MCTP1: variants seen among roughly 807,000 people sequenced by gnomAD.
The protein encoded by MCTP1 is multiple C2 and transmembrane domain containing 1, also known as multiple C2 and transmembrane domain-containing protein 1.
In MCTP1, 69 loss-of-function variants were observed where a neutral mutation model predicts 120.6. That is an observed-to-expected ratio of 0.57 (90% CI 0.47 to 0.70). The LOEUF is 0.70. Among genes scored for constraint, MCTP1 ranks in the 30% least tolerant of loss-of-function variants. MCTP1 has a pLI of 0.00. For missense variants in MCTP1, 1,203 were observed against 1,248.8 expected, an observed-to-expected ratio of 0.96 and a Z score of 0.55; for synonymous variants, 529 against 493.1, an observed-to-expected ratio of 1.07 and a Z score of -0.96.
At chr5:94,900,399 G>A (rs754130186) in intron 10 of MCTP1, among the ~76,000 whole-genome samples, 1 of 152,198 alleles carries the variant, frequency 6.6e-6, no homozygotes, top group Non-Finnish European at 1.5e-5. Flanking sequence ...TATGGACAAG[G>A]AAATGGAGGC....
intron 10 of MCTP1, among the ~76,000 whole-genome samples, chr5:94,898,582 C>T (rs1804700578): frequency 6.6e-6 from 1 of 152,146 alleles, no homozygotes; most frequent in South Asian, 2.1e-4. Flanking sequence ...CTGTTATGTC[C>T]TGAACAAAGG....
chr5:94,877,647 C>CTCT (rs1799201840), intron 12 of MCTP1: 1 of 152,084 alleles, frequency 6.6e-6, no homozygotes, highest in Admixed American at 6.6e-5. Context: ...TTCTCTCTCA[C>CTCT]TCTTAGTCCT....
intron 1 of MCTP1, among the ~76,000 whole-genome samples, chr5:95,155,453 G>A (rs1745010869): frequency 6.6e-6 from 1 of 152,014 alleles, no homozygotes; most frequent in African/African-American, 2.4e-5. Flanking sequence ...ATTAGTATGT[G>A]TATGATTGTT....
intron 14 of MCTP1, 64 bp downstream of exon 14, chr5:94,871,251 T>G: frequency 9.5e-7 from 1 of 1,055,966 alleles, no homozygotes; most frequent in Non-Finnish European, 1.5e-6. Flanking sequence ...AGTTTTCTTT[T>G]CTTTTTTTTT....
chr5:95,029,027 TG>T (rs1248849450), intron 1 of MCTP1, among the ~76,000 whole-genome samples: 1 of 151,780 alleles, frequency 6.6e-6, no homozygotes, highest in Non-Finnish European at 1.5e-5. Flanking sequence ...GGTGTGGTGG[TG>T]CGTGCCTGTA....
At chr5:94,728,914 CA>C (rs1324143048) in intron 19 of MCTP1, among the ~76,000 whole-genome samples, 3 of 152,124 alleles carry the variant, frequency 2.0e-5, no homozygotes, top group Non-Finnish European at 4.4e-5. Flanking sequence ...ATTTATTGAA[CA>C]CCAACTACAT....
chr5:94,865,032 G>A (rs765896146), intron 17 of MCTP1, among the ~76,000 whole-genome samples: 36 of 151,788 alleles, frequency 2.4e-4, no homozygotes, highest in Non-Finnish European at 4.4e-4. Context: ...TCATTCTTAG[G>A]CAGACAATAT....
intron 1 of MCTP1, among the ~76,000 whole-genome samples, chr5:95,184,577 G>A (rs780277201): frequency 7.2e-5 from 11 of 152,156 alleles, no homozygotes; most frequent in Non-Finnish European, 1.6e-4. Flanking sequence ...AAACAAAACT[G>A]ATAACAGCCC....
At position 95,052,278 on chromosome 5, in the gene MCTP1, G is replaced by A. The variant is rs145713289; in HGVS notation, c.721-34794C>T. 5.3e-4 allele frequency among the ~76,000 whole-genome samples: 81 copies of A among 152,210 alleles called. 2 individuals are homozygous for A. The Middle Eastern group carries it at 0.014, about 26-fold the overall frequency. ...TTCTCAAAATGTGGTCCACTAAACC[G>A]TCTTCATCAGCCTGTTACCATGGCA... On this transcript the variant is annotated intron_variant, in intron 1 of 22. Coordinates refer to ENST00000515393, the MANE Select transcript of MCTP1 (RefSeq NM_024717.7).
At chr5:95,111,202 G>C (rs55791214) in intron 1 of MCTP1, among the ~76,000 whole-genome samples, 2,851 of 152,294 alleles carry the variant, frequency 0.019, 24 homozygotes, top group African/African-American at 0.018. Context: ...TAAATGATGA[G>C]TTAAATTCTA....
At chr5:94,863,623 G>C (rs17335178) in intron 17 of MCTP1, among the ~76,000 whole-genome samples, 11,539 of 151,788 alleles carry the variant, frequency 0.076, 482 homozygotes, top group Non-Finnish European at 0.096. Context: ...TTTGATCCTT[G>C]ATCACGAAAG....
intron 19 of MCTP1, among the ~76,000 whole-genome samples, chr5:94,740,250 A>T (rs1199467694): frequency 1.3e-5 from 2 of 152,244 alleles, no homozygotes; most frequent in Admixed American, 1.3e-4. Flanking sequence ...ACAATAAAAA[A>T]GCAGGAAAAC....
intron 11 of MCTP1, among the ~76,000 whole-genome samples, chr5:94,892,234 C>T (rs1032380570): frequency 6.6e-6 from 1 of 152,126 alleles, no homozygotes; most frequent in Admixed American, 6.6e-5. Flanking sequence ...ATCTTAGAAC[C>T]GCTCACCTTT....
At chr5:95,139,147 A>G (rs940395265) in intron 1 of MCTP1, among the ~76,000 whole-genome samples, 8 of 152,248 alleles carry the variant, frequency 5.3e-5, no homozygotes, top group African/African-American at 1.7e-4. Flanking sequence ...TCCATCAAAA[A>G]AGTTAGATCT....
At chr5:94,940,413 T>C (rs1471147147) in intron 4 of MCTP1, among the ~76,000 whole-genome samples, 1 of 150,772 alleles carries the variant, frequency 6.6e-6, no homozygotes, top group African/African-American at 2.4e-5. Context: ...TCTAAACCCA[T>C]GAAGGTTCCA....
At chr5:94,836,468 C>T (rs185742000) in intron 17 of MCTP1, among the ~76,000 whole-genome samples, 31 of 152,230 alleles carry the variant, frequency 2.0e-4, no homozygotes, top group Non-Finnish European at 3.8e-4. Flanking sequence ...GTTTTCATTG[C>T]TGTATTTCTT....
At chr5:94,748,755 T>C (rs113932114) in intron 19 of MCTP1, among the ~76,000 whole-genome samples, 193 of 152,364 alleles carry the variant, frequency 1.3e-3, no homozygotes, top group African/African-American at 4.4e-3. Context: ...AAGACTTTCT[T>C]GAGCCAGAAG....
intron 1 of MCTP1, among the ~76,000 whole-genome samples, chr5:95,226,809 G>T (rs1040870658): frequency 6.6e-6 from 1 of 151,836 alleles, no homozygotes; most frequent in African/African-American, 2.4e-5. Flanking sequence ...TATCAAGATA[G>T]AGGTGAAGCA....
chr5:94,888,844 G>C, intron 12 of MCTP1, 35 bp downstream of exon 12: 1 of 1,332,296 alleles, frequency 7.5e-7, no homozygotes, highest in Non-Finnish European at 1.1e-6. Context: ...TGTGCTGCTT[G>C]ATCTGAGCAA....
Sources: gnomAD v4.1 joint callset for allele counts (sites outside exome capture counted in the v4.1 genomes callset) on GRCh38, gnomAD v4.1.1 for gene constraint, MANE v1.5 for transcripts, NCBI Gene and HGNC (gene_info 2026-07-23, HGNC 2026-07-21) for gene names.